Variants in MAST2 observed in about 807,000 individuals in gnomAD.
MAST2 encodes microtubule associated serine/threonine kinase 2.
MAST2 carries 70 observed loss-of-function variants against 147.4 expected under a neutral mutation model. The ratio of observed to expected loss-of-function variants is 0.47; its 90% confidence interval spans 0.39 to 0.58. MAST2 has a LOEUF of 0.58. Among genes scored for constraint, MAST2 ranks in the 20% least tolerant of loss-of-function variants. The pLI is 0.00. For missense variants in MAST2, 2,080 were observed against 2,302.3 expected (o/e 0.90, Z 1.98); for synonymous variants, 869 against 896.8 (o/e 0.97, Z 0.55).
intron 5 of MAST2, among the ~76,000 whole-genome samples, chr1:45,993,322 C>G (rs1400597488): frequency 6.6e-6 from 1 of 152,014 alleles, no homozygotes; most frequent in Non-Finnish European, 1.5e-5. Context: ...GTGTGGTTTG[C>G]TGTTGAGAAT....
chr1:45,859,509 G>C (rs979309343), intron 3 of MAST2, among the ~76,000 whole-genome samples: 1 of 152,114 alleles, frequency 6.6e-6, no homozygotes, highest in Admixed American at 6.5e-5. Flanking sequence ...GTGAAACAAA[G>C]TGGTGCGTGC....
chr1:45,854,474 A>G (rs1645725801), intron 3 of MAST2, among the ~76,000 whole-genome samples: 1 of 152,164 alleles, frequency 6.6e-6, no homozygotes, highest in African/African-American at 2.4e-5. Flanking sequence ...AAGTCTTAAC[A>G]TTGGGTAGAG....
intron 11 of MAST2, among the ~76,000 whole-genome samples, 194 bp downstream of exon 11, chr1:46,019,891 G>A (rs1380165418): frequency 6.6e-6 from 1 of 152,200 alleles, no homozygotes; most frequent in Non-Finnish European, 1.5e-5. Context: ...GAGGGGATGC[G>A]GCAGGGAGAA....
chr1:46,013,046 C>A (rs910699516), intron 10 of MAST2, among the ~76,000 whole-genome samples: 2 of 151,888 alleles, frequency 1.3e-5, no homozygotes, highest in African/African-American at 4.8e-5. Context: ...TGGGTATCAT[C>A]CAATGTGACA....
At chr1:45,852,025 A>G (rs1645637817) in intron 3 of MAST2, among the ~76,000 whole-genome samples, 3 of 152,184 alleles carry the variant, frequency 2.0e-5, no homozygotes, top group Non-Finnish European at 4.4e-5. Flanking sequence ...GCAGAGTACT[A>G]TGAACCCTTC....
At chr1:45,906,063 C>A (rs6700974) in intron 4 of MAST2, among the ~76,000 whole-genome samples, 121,230 of 152,132 alleles carry the variant, frequency 0.8, 48,776 homozygotes, top group East Asian at 0.98. Flanking sequence ...TATGTTTTTC[C>A]TGTCCTTATT....
chr1:45,833,958 G>A (rs1286771771), intron 3 of MAST2, among the ~76,000 whole-genome samples: 1 of 150,988 alleles, frequency 6.6e-6, no homozygotes, highest in African/African-American at 2.4e-5. Flanking sequence ...ATTTTCAGTT[G>A]AATATTTTAT....
intron 3 of MAST2, among the ~76,000 whole-genome samples, chr1:45,835,520 G>A (rs1017674774): frequency 2.0e-5 from 3 of 152,080 alleles, no homozygotes; most frequent in Non-Finnish European, 2.9e-5. Context: ...GTGATATTCT[G>A]TTGAACATTT....
At chr1:46,011,055 C>A in intron 10 of MAST2, 116 bp downstream of exon 10, 1 of 850,558 alleles carries the variant, frequency 1.2e-6, no homozygotes, top group Non-Finnish European at 1.8e-6. Flanking sequence ...TGCTTGTTAC[C>A]CACCCTCAAA....
intron 4 of MAST2, among the ~76,000 whole-genome samples, chr1:45,958,787 T>G (rs1259792557): frequency 6.6e-6 from 1 of 152,164 alleles, no homozygotes; most frequent in African/African-American, 2.4e-5. Flanking sequence ...GACTTTTCAG[T>G]AATAGATGTT....
chr1:45,986,716 C>CAAA lies in MAST2; in HGVS notation c.593-10989_593-10987dup, dbSNP rs201589013. Among the ~76,000 whole-genome samples the CAAA allele has an allele frequency of 1.9e-3, 229 of 120,004 alleles. 2 individuals are homozygous for CAAA. The highest frequency in any genetic ancestry group is 4.4e-3 in the Middle Eastern group (1 of 226). 78.7% of individuals were successfully genotyped at this position (120,004 alleles called of 152,430 possible). A position where few individuals can be genotyped will look rare whatever the true frequency, so the allele number is the denominator to read the frequency against. On this transcript the variant is annotated intron_variant, in intron 5 of 28. Coordinates refer to ENST00000361297, the MANE Select transcript of MAST2 (RefSeq NM_015112.3). Reference sequence around the variant, plus strand: ...TGGGCGACACAGAGAGACTCCGTCTCAAAAAAAAAAAAAAAAAAAAAGAAT... The same window carrying CAAA: ...TGGGCGACACAGAGAGACTCCGTCTCAAAAAAAAAAAAAAAAAAAAAAAAGAAT...
Position 46,008,955 on chromosome 1 carries a change from G to A in MAST2, c.978+584G>A, listed in dbSNP as rs540380722. On this transcript the variant is annotated intron_variant, in intron 9 of 28. Coordinates refer to ENST00000361297, the MANE Select transcript of MAST2 (RefSeq NM_015112.3). ...AGGAAAATGCTGAGGAAGGAAAGTA[G>A]GTTGTTATCCTGAGATAGCTGAGAA... Among the ~76,000 whole-genome samples the A allele has an allele frequency of 1.2e-4, 19 of 152,204 alleles. 1 individual carries two copies. Among genetic ancestry groups the A allele is most frequent in the Non-Finnish European group, 1.2e-4 (8 of 68,026 alleles).
At chr1:45,987,762 GTTTTTTTTTTTTTGATTTT>G (rs1571084736) in intron 5 of MAST2, among the ~76,000 whole-genome samples, 1 of 62,742 alleles carries the variant, frequency 1.6e-5, no homozygotes, top group East Asian at 5.1e-4. Context: ...AGCATTTCTT[GTTTTTTTTTTTTTGATTTT>G]TTTTTTTTTT....
intron 3 of MAST2, among the ~76,000 whole-genome samples, chr1:45,836,481 A>C (rs1376484150): frequency 1.3e-5 from 2 of 152,176 alleles, no homozygotes; most frequent in African/African-American, 4.8e-5. Context: ...TTAGTTGAAA[A>C]GTAATCCCAT....
intron 4 of MAST2, among the ~76,000 whole-genome samples, chr1:45,919,740 A>G: frequency 6.6e-6 from 1 of 151,942 alleles, no homozygotes; most frequent in East Asian, 1.9e-4. Flanking sequence ...TGGTCTCAGA[A>G]CACACAACCT....
chr1:45,979,101 TATC>T (rs1644294510), intron 5 of MAST2, among the ~76,000 whole-genome samples: 1 of 152,230 alleles, frequency 6.6e-6, no homozygotes, highest in African/African-American at 2.4e-5. Flanking sequence ...AGGAAATGAT[TATC>T]ATAATATTGA....
Position 46,034,958 on chromosome 1 carries a change from T to C in MAST2, c.4289T>C (p.Leu1430Pro), listed in dbSNP as rs1646840794. The change falls in exon 29 of 29, where the codon CTT becomes CCT. Residue 1430 changes from leucine (L) to proline (P), a missense_variant. Leu to Pro is a moderately conservative substitution (Grantham distance 98). This residue lies in a region of MAST2 where 1,278 missense variants were observed against 1,304.2 expected (regional missense o/e 0.98). Coordinates refer to ENST00000361297, the MANE Select transcript of MAST2 (RefSeq NM_015112.3). ...KKLATSRKHSLDLPHSELKKE... is the reference protein window; with the variant it reads ...KKLATSRKHSPDLPHSELKKE... ...CTAGCCACTTCTCGCAAGCACAGCC[T>C]TGACCTGCCCCACTCTGAACTAAAG... 1 of 1,613,978 alleles carries C rather than the reference T, an allele frequency of 6.2e-7. No individual in the cohort carries two copies. Among genetic ancestry groups the C allele is most frequent in the African/African-American group, 1.3e-5 (1 of 74,926 alleles).
intron 4 of MAST2, among the ~76,000 whole-genome samples, chr1:45,953,181 GA>G (rs1349890198): frequency 2.7e-5 from 4 of 150,516 alleles, no homozygotes; most frequent in African/African-American, 4.9e-5. Context: ...CTTTAGGACA[GA>G]AAAAAACAAA....
intron 2 of MAST2, among the ~76,000 whole-genome samples, chr1:45,826,275 T>G (rs1644789413): frequency 6.6e-6 from 1 of 152,172 alleles, no homozygotes; most frequent in African/African-American, 2.4e-5. Context: ...TTTATCTGAT[T>G]GCAGCTCGTG....
Sources: allele counts gnomAD v4.1 joint callset (sites outside exome capture counted in the v4.1 genomes callset), GRCh38; gene constraint gnomAD v4.1.1; regional missense constraint gnomAD v4.1.1; transcripts MANE v1.5; gene names NCBI Gene and HGNC (gene_info 2026-07-23, HGNC 2026-07-21).